BNIP3L: variants seen among roughly 807,000 people sequenced by gnomAD.
BNIP3L encodes the protein BCL2 interacting protein 3 like, also known as BCL2/adenovirus E1B 19 kDa protein-interacting protein 3-like.
A neutral mutation model predicts 25.5 loss-of-function variants in BNIP3L; 10 were observed. The observed-to-expected ratio is 0.39, with a 90% CI of 0.24 to 0.67. The LOEUF is 0.67. BNIP3L is among the 30% of genes least tolerant of loss of function. The probability of loss-of-function intolerance (pLI) is 0.45; values close to 1 mark genes in which losing one functional copy is unlikely to be tolerated. For missense variants in BNIP3L, 215 were observed against 270.9 expected (o/e 0.79, Z 1.45); for synonymous variants, 113 against 101.2 (o/e 1.12, Z -0.70).
intron 3 of BNIP3L, among the ~76,000 whole-genome samples, chr8:26,407,026 T>G (rs1361300357): frequency 6.6e-6 from 1 of 151,756 alleles, no homozygotes; most frequent in Non-Finnish European, 1.5e-5. Flanking sequence ...GGAATCTCAC[T>G]CTATCACCCA....
At chr8:26,407,192 G>C (rs992697854) in intron 3 of BNIP3L, among the ~76,000 whole-genome samples, 16 of 149,412 alleles carry the variant, frequency 1.1e-4, no homozygotes, top group African/African-American at 3.9e-4. Flanking sequence ...GTTTTGTTTT[G>C]TTTTGTTTTT....
intron 1 of BNIP3L, among the ~76,000 whole-genome samples, chr8:26,389,942 G>A (rs891470776): frequency 2.0e-5 from 3 of 152,110 alleles, no homozygotes; most frequent in African/African-American, 7.2e-5. Flanking sequence ...TTCATCCCTG[G>A]AACTCTCTAA....
intron 3 of BNIP3L, among the ~76,000 whole-genome samples, chr8:26,403,779 A>G (rs1028898657): frequency 9.2e-5 from 14 of 151,908 alleles, no homozygotes; most frequent in Non-Finnish European, 1.5e-5. Context: ...GCCTCAAATG[A>G]TCCTCCCATG....
rs1563335971 is a variant in BNIP3L at position 26,383,420 on chromosome 8, T to C, written c.100+190T>C. On this transcript the variant is annotated intron_variant, in intron 1 of 5. Transcript: ENST00000380629. ...GCCTGCCTTGCTCCGGGCCTCTCTG[T>C]TGCCTCCTGGGGTCTTGGGCCCGGG... The C allele has an allele frequency of 5.6e-6, 8 of 1,418,442 alleles. No homozygotes were observed. In the East Asian group the frequency reaches 1.6e-4, roughly 28 times the overall value. 87.9% of individuals were successfully genotyped at this position (1,418,442 alleles called of 1,614,324 possible). A position where few individuals can be genotyped will look rare whatever the true frequency, so the allele number is the denominator to read the frequency against.
rs376438634 is a variant in BNIP3L at position 26,383,271 on chromosome 8, G to A, written c.100+41G>A. The A allele has an allele frequency of 8.9e-6, 14 of 1,580,410 alleles. No individual in the cohort carries two copies. The African/African-American group carries it at 1.1e-4, about 12-fold the overall frequency. On this transcript the variant is annotated intron_variant, in intron 1 of 5. Coordinates refer to ENST00000380629, the MANE Select transcript of BNIP3L (RefSeq NM_004331.3). ...AGGCTCTGTGAAGGGGATGGGGGAG[G>A]AGGAGCAGCCCCGGCCGCCGCCACC... is the stretch of plus-strand genomic sequence containing the variant.
At chr8:26,395,112 C>G in intron 2 of BNIP3L, 118 bp from the exon 3 acceptor site, 2 of 948,920 alleles carry the variant, frequency 2.1e-6, no homozygotes, top group Non-Finnish European at 3.1e-6. Context: ...GATATATTCT[C>G]TGATTTGCTT....
intron 2 of BNIP3L, among the ~76,000 whole-genome samples, chr8:26,392,808 G>T (rs1023323034): frequency 2.6e-5 from 4 of 152,110 alleles, no homozygotes; most frequent in Non-Finnish European, 5.9e-5. Context: ...TTCACTCTGC[G>T]TTCAGGTGTG....
intron 3 of BNIP3L, among the ~76,000 whole-genome samples, chr8:26,407,520 GT>G (rs1287573662): frequency 5.3e-5 from 8 of 151,422 alleles, no homozygotes; most frequent in Non-Finnish European, 1.2e-4. Flanking sequence ...TAAAGACGGG[GT>G]TTTACCATGT....
At chr8:26,406,065 T>C (rs530119579) in intron 3 of BNIP3L, among the ~76,000 whole-genome samples, 3 of 152,078 alleles carry the variant, frequency 2.0e-5, no homozygotes, top group Non-Finnish European at 4.4e-5. Context: ...GAATAAATAA[T>C]ACTGAATAAA....
chr8:26,392,176 T>G (rs549186946), intron 2 of BNIP3L, among the ~76,000 whole-genome samples: 28 of 151,660 alleles, frequency 1.8e-4, no homozygotes, highest in African/African-American at 5.6e-4. Flanking sequence ...TTTCTGTTTT[T>G]TTTTTTTTTT....
intron 3 of BNIP3L, among the ~76,000 whole-genome samples, chr8:26,404,240 T>C (rs1410053637): frequency 6.6e-6 from 1 of 152,226 alleles, no homozygotes; most frequent in African/African-American, 2.4e-5. Flanking sequence ...AGAAGCGATA[T>C]AGATTATTTA....
chr8:26,392,950 C>G (rs749881283), intron 2 of BNIP3L, among the ~76,000 whole-genome samples: 4 of 152,036 alleles, frequency 2.6e-5, no homozygotes, highest in Non-Finnish European at 5.9e-5. Flanking sequence ...TTACGTGTGA[C>G]TGAATATGCC....
chr8:26,408,423 C>T, intron 5 of BNIP3L, 47 bp downstream of exon 5: 1 of 1,550,358 alleles, frequency 6.5e-7, no homozygotes, highest in Non-Finnish European at 8.8e-7. Flanking sequence ...ATTTTATCCT[C>T]TTATTTTCAG....
chr8:26,401,460 A>C (rs930578933), intron 3 of BNIP3L, among the ~76,000 whole-genome samples: 1 of 151,710 alleles, frequency 6.6e-6, no homozygotes, highest in African/African-American at 2.4e-5. Context: ...AGATATACCT[A>C]ATGCTAGATG....
intron 1 of BNIP3L, among the ~76,000 whole-genome samples, chr8:26,388,625 GT>G (rs1806041113): frequency 6.6e-6 from 1 of 152,072 alleles, no homozygotes; most frequent in Admixed American, 6.6e-5. Flanking sequence ...TTGCTTATGT[GT>G]TTTTAATGAA....
At chr8:26,385,311 G>A (rs1191454676) in intron 1 of BNIP3L, among the ~76,000 whole-genome samples, 4 of 151,990 alleles carry the variant, frequency 2.6e-5, no homozygotes, top group East Asian at 1.9e-4. Flanking sequence ...AAAGGGCTGA[G>A]CCAGGCAGGG....
chr8:26,396,798 C>G (rs1399879693), intron 3 of BNIP3L, among the ~76,000 whole-genome samples: 1 of 138,890 alleles, frequency 7.2e-6, no homozygotes, highest in African/African-American at 2.7e-5. Flanking sequence ...GAGCTGAAAA[C>G]CAAGGCTCGA....
chr8:26,391,012 T>G (rs1806095067), intron 1 of BNIP3L, among the ~76,000 whole-genome samples: 1 of 152,216 alleles, frequency 6.6e-6, no homozygotes, highest in Non-Finnish European at 1.5e-5. Context: ...ACACGTTTTC[T>G]GAGATGTTTT....
At position 26,411,649 on chromosome 8, in the gene BNIP3L, C is replaced by T. The variant is rs895942591; in HGVS notation, c.*1237C>T. 9 of 152,644 alleles carry T rather than the reference C, an allele frequency of 5.9e-5. No homozygotes were observed. The highest frequency in any genetic ancestry group is 5.9e-4 in the Admixed American group (9 of 15,288). The allele number at this position is 152,644 out of a possible 1,614,324, so 9.5% of individuals were successfully genotyped here. ...AACTCTTAAAGTTCAGAACACTCAA[C>T]AGATTCCTTCAGTGATATACTTGTT... is the stretch of plus-strand genomic sequence containing the variant. On this transcript the variant is annotated 3_prime_UTR_variant, in exon 6 of 6. Coordinates refer to ENST00000380629, the MANE Select transcript of BNIP3L (RefSeq NM_004331.3).
Sources: allele counts gnomAD v4.1 joint callset (sites outside exome capture counted in the v4.1 genomes callset), GRCh38; gene constraint gnomAD v4.1.1; transcripts MANE v1.5; gene names NCBI Gene and HGNC (gene_info 2026-07-23, HGNC 2026-07-21).